ARL8B: variants seen among roughly 807,000 people sequenced by gnomAD.
ARL8B encodes ADP-ribosylation factor-like protein 8B.
Under a neutral mutation model 30.6 loss-of-function variants are expected in ARL8B, and 9 were observed. That is an observed-to-expected ratio of 0.29 (90% CI 0.18 to 0.51). The LOEUF (loss-of-function observed/expected upper bound fraction) is 0.51. Ranked by LOEUF, ARL8B falls within the 20% of genes least tolerant of loss-of-function variation. The pLI, the probability that ARL8B is intolerant of heterozygous loss-of-function variation, is 0.97. For synonymous variants in ARL8B, 74 were observed against 76.0 expected (o/e 0.97, Z 0.14); for missense variants, 130 against 227.2 (o/e 0.57, Z 2.75).
chr3:5,130,197 T>A (rs944131725), intron 1 of ARL8B, among the ~76,000 whole-genome samples: 16 of 151,596 alleles, frequency 1.1e-4, no homozygotes, highest in African/African-American at 3.9e-4. Context: ...AATATATATT[T>A]TTTTTTTGTA....
At chr3:5,169,563 TTTTC>T (rs1421489005) in intron 1 of ARL8B, among the ~76,000 whole-genome samples, 1 of 131,712 alleles carries the variant, frequency 7.6e-6, no homozygotes, top group East Asian at 2.0e-4. Context: ...TTTCTGTTTT[TTTTC>T]TTTTCCTCTT....
intron 1 of ARL8B, among the ~76,000 whole-genome samples, chr3:5,156,259 T>A (rs2054532351): frequency 6.6e-6 from 1 of 152,132 alleles, no homozygotes; most frequent in South Asian, 2.1e-4. Context: ...TAATTTTTTT[T>A]CCTTTGAATG....
intron 5 of ARL8B, 57 bp downstream of exon 5, chr3:5,174,141 A>T: frequency 6.8e-7 from 1 of 1,469,502 alleles, no homozygotes; most frequent in Non-Finnish European, 9.5e-7. Context: ...TATTTTGCCC[A>T]CTTGTTATGT....
Position 5,178,930 on chromosome 3 carries a change from T to G in ARL8B, c.*217T>G. 1 of 722,660 alleles carries G rather than the reference T, an allele frequency of 1.4e-6. No homozygotes were observed. The highest frequency in any genetic ancestry group is 2.0e-6 in the Non-Finnish European group (1 of 489,582). The allele number at this position is 722,660 out of a possible 1,614,324, so 44.8% of individuals were successfully genotyped here. ...ATAAAGTCAGCACACACAAAAAGGCTTCTTACACATACCTGTCTTAAACCA... is the reference window on the plus strand; with the variant it reads ...ATAAAGTCAGCACACACAAAAAGGCGTCTTACACATACCTGTCTTAAACCA... On this transcript the variant is annotated 3_prime_UTR_variant, in exon 7 of 7. Transcript: ENST00000256496.
At chr3:5,164,384 A>T (rs2054606970) in intron 1 of ARL8B, among the ~76,000 whole-genome samples, 1 of 152,208 alleles carries the variant, frequency 6.6e-6, no homozygotes. Context: ...ATAAAGAATG[A>T]GGTAGTATTT....
chr3:5,127,867 C>T (rs763788654), intron 1 of ARL8B, among the ~76,000 whole-genome samples: 26 of 93,822 alleles, frequency 2.8e-4, no homozygotes, highest in East Asian at 8.2e-4. Flanking sequence ...AGCGAGACTC[C>T]GTCTCAAAAA....
chr3:5,165,101 A>T (rs1313544909), intron 1 of ARL8B, among the ~76,000 whole-genome samples: 1 of 152,166 alleles, frequency 6.6e-6, no homozygotes, highest in Non-Finnish European at 1.5e-5. Flanking sequence ...GTGTTGCCTG[A>T]TTTCTCCATT....
chr3:5,158,997 G>T (rs1481447138), intron 1 of ARL8B, among the ~76,000 whole-genome samples: 1 of 152,186 alleles, frequency 6.6e-6, no homozygotes, highest in Admixed American at 6.5e-5. Context: ...GGTGGCTCAT[G>T]CCTGTAACCC....
chr3:5,177,224 C>G (rs2054737954), intron 6 of ARL8B, among the ~76,000 whole-genome samples: 1 of 152,176 alleles, frequency 6.6e-6, no homozygotes, highest in Non-Finnish European at 1.5e-5. Context: ...GGCTAAATAG[C>G]TCAGTAGTAA....
At chr3:5,126,155 C>G (rs1168911550) in intron 1 of ARL8B, among the ~76,000 whole-genome samples, 1 of 151,700 alleles carries the variant, frequency 6.6e-6, no homozygotes, top group African/African-American at 2.4e-5. Flanking sequence ...TAACCTAACC[C>G]CTGATTCTTA....
At chr3:5,158,039 G>A (rs1354736460) in intron 1 of ARL8B, among the ~76,000 whole-genome samples, 4 of 151,850 alleles carry the variant, frequency 2.6e-5, no homozygotes, top group Non-Finnish European at 5.9e-5. Context: ...GCAATGGAGC[G>A]ATCTCAGCTC....
intron 1 of ARL8B, among the ~76,000 whole-genome samples, chr3:5,163,009 A>G (rs1278861046): frequency 3.4e-5 from 3 of 87,560 alleles, no homozygotes; most frequent in Non-Finnish European, 4.1e-5. Flanking sequence ...TTTTTTTGAG[A>G]CGGAGTCTTG....
intron 1 of ARL8B, among the ~76,000 whole-genome samples, chr3:5,123,364 C>G (rs2054200853): frequency 6.6e-6 from 1 of 152,080 alleles, no homozygotes; most frequent in African/African-American, 2.4e-5. Flanking sequence ...CTTAGCAGGC[C>G]TAGGGAATGG....
chr3:5,153,529 C>T (rs2054504402), intron 1 of ARL8B, among the ~76,000 whole-genome samples: 1 of 152,048 alleles, frequency 6.6e-6, no homozygotes, highest in African/African-American at 2.4e-5. Context: ...TTGTAAATTG[C>T]CCACTCTTGG....
chr3:5,154,242 C>T (rs1347855928), intron 1 of ARL8B, among the ~76,000 whole-genome samples: 1 of 151,866 alleles, frequency 6.6e-6, no homozygotes, highest in African/African-American at 2.4e-5. Flanking sequence ...AGGACTTTGA[C>T]ATGACTGTTA....
chr3:5,152,490 C>T (rs2054493371), intron 1 of ARL8B, among the ~76,000 whole-genome samples: 1 of 152,054 alleles, frequency 6.6e-6, no homozygotes, highest in South Asian at 2.1e-4. Context: ...AAGTGGGTTT[C>T]TCTTCTTTCC....
intron 6 of ARL8B, among the ~76,000 whole-genome samples, chr3:5,178,433 C>T (rs1029663842): frequency 6.8e-6 from 1 of 147,888 alleles, no homozygotes; most frequent in Non-Finnish European, 1.5e-5. Flanking sequence ...TAAAAGGTGG[C>T]ACCAGCCGTC....
At chr3:5,135,335 C>G (rs923183645) in intron 1 of ARL8B, among the ~76,000 whole-genome samples, 2 of 130,576 alleles carry the variant, frequency 1.5e-5, no homozygotes, top group Admixed American at 1.5e-4. Context: ...GTTGCCCAGA[C>G]TGGAGTGCAG....
intron 1 of ARL8B, among the ~76,000 whole-genome samples, chr3:5,167,155 C>G (rs989726821): frequency 1.3e-5 from 2 of 152,160 alleles, no homozygotes; most frequent in Non-Finnish European, 2.9e-5. Flanking sequence ...TTTGTTCAAC[C>G]AAGTTCCAGG....
Sources: gnomAD v4.1 joint callset for allele counts (sites outside exome capture counted in the v4.1 genomes callset) on GRCh38, gnomAD v4.1.1 for gene constraint, MANE v1.5 for transcripts, NCBI Gene and HGNC (gene_info 2026-07-23, HGNC 2026-07-21) for gene names.